The following HRAS variants were observed in gnomAD, a reference collection of about 807,000 sequenced individuals.
HRAS encodes the protein GTPase HRas.
A neutral mutation model predicts 19.8 loss-of-function variants in HRAS; 11 were observed. That is an observed-to-expected ratio of 0.55 (90% confidence interval 0.35 to 0.92). The LOEUF (loss-of-function observed/expected upper bound fraction) is 0.92, where lower values mean the gene tolerates loss of function less well. HRAS is among the 40% of genes least tolerant of loss of function. HRAS has a pLI of 0.01. For synonymous variants in HRAS, 149 were observed against 105.5 expected (o/e 1.41, Z -2.52); for missense variants, 204 against 255.9 (o/e 0.80, Z 1.38).
At chr11:534,522 G>A (rs1851336551) in intron 1 of HRAS, 147 bp from the exon 2 acceptor site, 2 of 601,630 alleles carry the variant, frequency 3.3e-6, no homozygotes, top group African/African-American at 3.7e-5. Context: ...GCCTACCTGT[G>A]CAGCTGCAAC....
At chr11:535,215 G>A (rs1589795757) in intron 1 of HRAS, 1 of 150,358 alleles carries the variant, frequency 6.7e-6, no homozygotes, top group African/African-American at 2.4e-5. Flanking sequence ...GCCCCAGGGA[G>A]GAAGGGGCCC....
At chr11:534,609 C>G in intron 1 of HRAS, 1 of 538,898 alleles carries the variant, frequency 1.9e-6, no homozygotes, top group South Asian at 2.2e-5. Flanking sequence ...ACCCAGCCCT[C>G]AAAGGCAGGG....
rs1398029272 is a variant in HRAS at position 535,396 on chromosome 11, C to A, written c.-54+20G>T. 6.8e-6 allele frequency: 1 copy of A among 147,002 alleles called. No homozygotes were observed. Among genetic ancestry groups the A allele is most frequent in the Non-Finnish European group, 1.5e-5 (1 of 65,836 alleles). 9.1% of individuals were successfully genotyped at this position (147,002 alleles called of 1,614,324 possible). ...GGGCGAGGAGGGCGCGCGGCCCGGC[C>A]GATCCCTGCCCGCACTCACCGTTCA... On this transcript the variant is annotated intron_variant, in intron 1 of 5. Transcript: ENST00000311189.
In HRAS at chr11:533,623, G is replaced by A. The variant is rs750444909; in HGVS notation, c.291-11C>T. On this transcript the variant is annotated splice_polypyrimidine_tract_variant and intron_variant, in intron 3 of 5. Transcript: ENST00000311189. ...CGTTTGATCTGCTCCCTGAGAGGTG[G>A]AAAGCGAGAGCTGGCTACGGGGGCT... The A allele has an allele frequency of 2.5e-6, 4 of 1,613,560 alleles. No individual in the cohort carries two copies. The highest frequency in any genetic ancestry group is 3.4e-6 in the Non-Finnish European group (4 of 1,179,974).
rs756934316 is a variant in HRAS at position 534,224 on chromosome 11, G to A, written c.99C>T (p.Asp33=). The change falls in exon 2 of 6, where the codon GAC becomes GAT. Residue 33 remains aspartate, a synonymous_variant. Transcript: ENST00000311189. ...GCGCCAGGCTCACCTCTATAGTGGG[G>A]TCGTATTCGTCCACAAAATGGTTCT... is the stretch of plus-strand genomic sequence containing the variant. The part of the protein sequence containing the change: ...LIQNHFVDEY[D]PTIEDSYRKQ... The A allele has an allele frequency of 1.2e-6, 2 of 1,612,328 alleles. No individual in the cohort carries two copies. The highest frequency in any genetic ancestry group is 4.5e-5 in the East Asian group (2 of 44,874).
intron 2 of HRAS, 47 bp downstream of exon 2, chr11:534,165 C>T (rs370646089): frequency 1.4e-5 from 20 of 1,471,416 alleles, no homozygotes; most frequent in Non-Finnish European, 3.8e-6. Flanking sequence ...GTGTCCTGGG[C>T]TCGCCCGCAG....
chr11:533,221 G>A, intron 4 of HRAS: 1 of 1,441,582 alleles, frequency 6.9e-7, no homozygotes. Context: ...TGCAGGGCGT[G>A]AGCCCAGACC....
At position 534,362 on chromosome 11, in the gene HRAS, G is replaced by T; in HGVS notation, c.-40C>A. On this transcript the variant is annotated 5_prime_UTR_variant, in exon 2 of 6. Coordinates refer to ENST00000311189, the MANE Select transcript of HRAS (RefSeq NM_005343.4). ...CTGCGGCCCGGGGTCCTCCTACAGG[G>T]TCTCCTGCCCCACCTGCCAAGGAGG... The T allele has an allele frequency of 3.3e-6, 5 of 1,520,502 alleles. No homozygotes were observed. The highest frequency in any genetic ancestry group is 4.5e-6 in the Non-Finnish European group (5 of 1,106,162). 94.2% of individuals were successfully genotyped at this position (1,520,502 alleles called of 1,614,324 possible). A position where few individuals can be genotyped will look rare whatever the true frequency, so the allele number is the denominator to read the frequency against.
rs2133987967 is a variant in HRAS, at chr11:533,603, G to A, written c.300C>T (p.Ile100=). The change falls in exon 4 of 6, where the codon ATC becomes ATT. Residue 100 remains isoleucine (I), a synonymous_variant. Transcript: ENST00000311189. ...CGTCATCCGAGTCCTTCACCCGTTT[G>A]ATCTGCTCCCTGAGAGGTGGAAAGC... ...FEDIHQYREQ[I]KRVKDSDDVP... The A allele has an allele frequency of 6.2e-7, 1 of 1,613,838 alleles. No homozygotes were observed. Among genetic ancestry groups the A allele is most frequent in the Non-Finnish European group, 8.5e-7 (1 of 1,179,982 alleles).
At chr11:534,760 C>CG (rs1851352733) in intron 1 of HRAS, among the ~76,000 whole-genome samples, 1 of 152,218 alleles carries the variant, frequency 6.6e-6, no homozygotes, top group Non-Finnish European at 1.5e-5. Context: ...ACGGCGTGCC[C>CG]GGGCAGGCTA....
At position 533,499 on chromosome 11, in the gene HRAS, C is replaced by T. The variant is rs1473091760; in HGVS notation, c.404G>A (p.Arg135Gln). Residue 135 changes from arginine (R) to glutamine (Q), a missense_variant, in exon 4 of 6, where the codon CGA becomes CAA. By Grantham distance (43) the Arg-to-Gln change is conservative. Transcript: ENST00000311189. ...VESRQAQDLA[R>Q]SYGIPYIETS... is the part of the protein sequence containing the mutation. ...CTCGATGTAGGGGATGCCGTAGCTT[C>T]GGGCGAGGTCCTGAGCCTGCCGAGA... is the stretch of plus-strand genomic sequence containing the variant. The T allele has an allele frequency of 3.7e-6, 6 of 1,613,522 alleles. No homozygotes were observed. In the South Asian group the frequency reaches 5.5e-5, roughly 15 times the overall value.
Position 532,684 on chromosome 11 carries a change from A to G in HRAS, c.522T>C (p.Pro174=). ...RQHKLRKLNP[P]DESGPGCMSC... ...TCATGCAGCCGGGGCCACTCTCATC[A>G]GGAGGGTTCAGCTTCCGCAGCTTGT... Residue 174 remains proline, a synonymous_variant, in exon 5 of 6, where the codon CCT becomes CCC. Coordinates refer to ENST00000311189, the MANE Select transcript of HRAS (RefSeq NM_005343.4). 6.2e-7 allele frequency: 1 copy of G among 1,613,142 alleles called. No individual in the cohort carries two copies. The highest frequency in any genetic ancestry group is 8.5e-7 in the Non-Finnish European group (1 of 1,179,990).
In HRAS at chr11:534,211, C is replaced by T; in HGVS notation, c.111+1G>A. The T allele has an allele frequency of 6.2e-7, 1 of 1,609,536 alleles. No homozygotes were observed. Among genetic ancestry groups the T allele is most frequent in the Non-Finnish European group, 8.5e-7 (1 of 1,176,432 alleles). ...CACCTGGACGGCGGCGCCAGGCTCA[C>T]CTCTATAGTGGGGTCGTATTCGTCC... On this transcript the variant is annotated splice_donor_variant, in intron 2 of 5. Coordinates refer to ENST00000311189, the MANE Select transcript of HRAS (RefSeq NM_005343.4). LOFTEE classifies it high-confidence loss of function.
At chr11:534,671 G>A (rs1589794515) in intron 1 of HRAS, 2 of 394,846 alleles carry the variant, frequency 5.1e-6, no homozygotes, top group South Asian at 5.6e-5. Context: ...CTGCTGGGTC[G>A]GCAGAAAGGC....
intron 1 of HRAS, among the ~76,000 whole-genome samples, chr11:535,081 TGGCCGC>T (rs898209560): frequency 1.3e-5 from 2 of 151,886 alleles, no homozygotes; most frequent in African/African-American, 2.4e-5. Context: ...GGGCGTGCCG[TGGCCGC>T]GGCCGCCTCC....
intron 1 of HRAS, chr11:534,611 A>C: frequency 3.8e-6 from 2 of 526,874 alleles, no homozygotes; most frequent in Non-Finnish European, 6.9e-6. Flanking sequence ...CCAGCCCTCA[A>C]AGGCAGGGCT....
chr11:534,775 C>T (rs1164549633), intron 1 of HRAS, among the ~76,000 whole-genome samples: 3 of 152,244 alleles, frequency 2.0e-5, no homozygotes, highest in Non-Finnish European at 4.4e-5. Flanking sequence ...AGGCTAGTGC[C>T]AGCCTGCAGG....
intron 4 of HRAS, 150 bp from the exon 5 acceptor site, chr11:532,905 G>A (rs1345803381): frequency 4.9e-6 from 4 of 817,134 alleles, no homozygotes; most frequent in Non-Finnish European, 8.2e-6. Context: ...ACGGGAAGCT[G>A]GACTCTGGCC....
At chr11:533,186 C>T (rs1279202979) in intron 4 of HRAS, 2 of 1,197,970 alleles carry the variant, frequency 1.7e-6, no homozygotes, top group Non-Finnish European at 2.3e-6. Context: ...CCTCCGCCTT[C>T]CCCGGAGCTG....
Sources: gnomAD v4.1 joint callset for allele counts (sites outside exome capture counted in the v4.1 genomes callset) on GRCh38, gnomAD v4.1.1 for gene constraint, MANE v1.5 for transcripts, NCBI Gene and HGNC (gene_info 2026-07-23, HGNC 2026-07-21) for gene names.